Variants in RARB observed in about 807,000 individuals in gnomAD.
RARB encodes retinoic acid receptor beta, also known as HBV-activated protein.
A neutral mutation model predicts 51.9 loss-of-function variants in RARB; 17 were observed. The observed-to-expected ratio is 0.33, with a 90% CI of 0.22 to 0.49. RARB has a LOEUF of 0.49. Among genes scored for constraint, RARB ranks in the 20% least tolerant of loss-of-function variants. RARB has a pLI of 0.99. For missense variants in RARB, 369 were observed against 550.8 expected, an observed-to-expected ratio of 0.67 and a Z score of 3.30; for synonymous variants, 215 against 195.4, an observed-to-expected ratio of 1.10 and a Z score of -0.84.
At chr3:25,008,280 T>C (rs192528163) in intron 2 of RARB, among the ~76,000 whole-genome samples, 2 of 152,136 alleles carry the variant, frequency 1.3e-5, no homozygotes, top group Non-Finnish European at 2.9e-5. Context: ...TAATTTTTTA[T>C]CTTGAGAGTA....
rs1698259754 is a variant in RARB, at chr3:25,048,430, T to C, written c.-379-11695T>C. ...CACACAACTTTCCTATATGAATACATGTTAATAAATGCAAAATGTTGTCCT... is the reference window on the plus strand; with the variant it reads ...CACACAACTTTCCTATATGAATACACGTTAATAAATGCAAAATGTTGTCCT... On this transcript the variant is annotated intron_variant, in intron 2 of 11. Transcript: ENST00000383772. Among the ~76,000 whole-genome samples, 4 of 152,326 alleles carry C rather than the reference T, an allele frequency of 2.6e-5. No homozygotes were observed. In the South Asian group the frequency reaches 6.2e-4, roughly 24 times the overall value.
chr3:25,189,553 C>T (rs989760341), intron 5 of RARB, among the ~76,000 whole-genome samples: 2 of 152,086 alleles, frequency 1.3e-5, no homozygotes, highest in South Asian at 2.1e-4. Flanking sequence ...GGAAGATGTA[C>T]AGCAGCATGT....
chr3:24,892,589 T>C (rs1025366913), intron 2 of RARB, among the ~76,000 whole-genome samples: 3 of 152,210 alleles, frequency 2.0e-5, no homozygotes, highest in African/African-American at 4.8e-5. Context: ...CCAAAACATA[T>C]TCATTTCTTT....
At position 25,285,307 on chromosome 3, in the gene RARB, C is replaced by G. The variant is rs564979489; in HGVS notation, c.178+110732C>G. Among the ~76,000 whole-genome samples the G allele has an allele frequency of 4.3e-4, 66 of 152,166 alleles. 1 individual carries two copies. In the South Asian group the frequency reaches 0.014, roughly 31 times the overall value. On this transcript the variant is annotated intron_variant, in intron 5 of 11. Transcript: ENST00000383772. ...AGTGAATTGGAAAAGGAAAGGCTTT[C>G]CAGTCAAAAGTAGTGTATTCAAAGG...
At chr3:25,208,927 A>T (rs1701627983) in intron 5 of RARB, among the ~76,000 whole-genome samples, 1 of 152,182 alleles carries the variant, frequency 6.6e-6, no homozygotes, top group African/African-American at 2.4e-5. Context: ...TTTACTTAAT[A>T]AAGTGCTCCA....
intron 5 of RARB, among the ~76,000 whole-genome samples, chr3:25,411,929 G>T (rs1024289798): frequency 6.6e-6 from 1 of 152,196 alleles, no homozygotes; most frequent in Admixed American, 6.5e-5. Flanking sequence ...GGACTGCAAG[G>T]CTAGGTAGGA....
chr3:25,569,462 C>G (rs1390510350), intron 3 of RARB, among the ~76,000 whole-genome samples: 1 of 152,188 alleles, frequency 6.6e-6, no homozygotes. Flanking sequence ...GAGATCCAGT[C>G]CACAGAAAAA....
intron 5 of RARB, among the ~76,000 whole-genome samples, chr3:25,250,357 G>A (rs1702681856): frequency 6.6e-6 from 1 of 152,178 alleles, no homozygotes; most frequent in Admixed American, 6.5e-5. Flanking sequence ...TAATTCCCAG[G>A]ACCCCAGATG....
chr3:24,976,598 T>C (rs1454308002), intron 2 of RARB, among the ~76,000 whole-genome samples: 2 of 152,188 alleles, frequency 1.3e-5, no homozygotes, highest in African/African-American at 2.4e-5. Flanking sequence ...ATATCCTTTG[T>C]CCACTTTTTG....
rs142951904 is a variant in RARB at position 25,156,852 on chromosome 3, G to T, written c.-279-17267G>T. On this transcript the variant is annotated intron_variant, in intron 4 of 11. Transcript: ENST00000383772. The stretch of plus-strand genomic sequence containing the variant: ...GCTAAAAGAGGTGCTGTCTCTAGCA[G>T]ATTGCTCCAGTGACACAATAGTTAG... Among the ~76,000 whole-genome samples the T allele has an allele frequency of 4.6e-5, 7 of 152,362 alleles. 1 individual carries two copies. The highest frequency in any genetic ancestry group is 3.9e-4 in the Admixed American group (6 of 15,298).
At chr3:25,158,994 C>G (rs1308046080) in intron 4 of RARB, among the ~76,000 whole-genome samples, 1 of 151,914 alleles carries the variant, frequency 6.6e-6, no homozygotes, top group Non-Finnish European at 1.5e-5. Flanking sequence ...CAGGCCAGAG[C>G]TCGGTCTTAT....
At chr3:25,481,423 T>A (rs1835901) in intron 2 of RARB, among the ~76,000 whole-genome samples, 78,362 of 152,056 alleles carry the variant, frequency 0.52, 21,364 homozygotes, top group South Asian at 0.65. Context: ...CATTTAAAAA[T>A]TTTTGAAAAA....
rs56255512 is a variant in RARB, at chr3:25,569,981, G to GACAC, written c.609+100_609+103dup. The GACAC allele has an allele frequency of 6.0e-3, 6,428 of 1,068,396 alleles. 10 individuals are homozygous for GACAC. Among genetic ancestry groups the GACAC allele is most frequent in the Non-Finnish European group, 7.1e-3 (5,400 of 765,188 alleles). 66.2% of individuals were successfully genotyped at this position (1,068,396 alleles called of 1,614,324 possible). ...GAAACCTTGTACGTGCATGTGTGCA[G>GACAC]ACACACACACACACACACACACACA... On this transcript the variant is annotated intron_variant, in intron 4 of 7. Transcript: ENST00000330688.
intron 1 of RARB, among the ~76,000 whole-genome samples, chr3:24,858,262 G>A (rs1002291178): frequency 2.4e-4 from 37 of 151,956 alleles, no homozygotes; most frequent in African/African-American, 8.9e-4. Flanking sequence ...TCACAGGCCT[G>A]AATTATAGCA....
intron 5 of RARB, among the ~76,000 whole-genome samples, chr3:25,333,499 T>G (rs1704967151): frequency 6.6e-6 from 1 of 152,064 alleles, no homozygotes; most frequent in South Asian, 2.1e-4. Context: ...ACTGGATCCC[T>G]TCCTTACACC....
rs139304258 is a variant in RARB, at chr3:25,522,162, A to G, written c.448+20839A>G. Among the ~76,000 whole-genome samples the G allele has an allele frequency of 2.0e-3, 308 of 152,092 alleles. 4 individuals are homozygous for G. Among genetic ancestry groups the G allele is most frequent in the Admixed American group, 0.018 (282 of 15,272 alleles). ...ACTTCAAGCAGAAGTGGTGGAGAAAAAGACCGGTATTTGTGATATGGAAGA... is the reference window on the plus strand; with the variant it reads ...ACTTCAAGCAGAAGTGGTGGAGAAAGAGACCGGTATTTGTGATATGGAAGA... On this transcript the variant is annotated intron_variant, in intron 3 of 7. Coordinates refer to ENST00000330688, the MANE Select transcript of RARB (RefSeq NM_000965.5).
chr3:25,165,797 T>G (rs1244847533), intron 4 of RARB, among the ~76,000 whole-genome samples: 1 of 152,200 alleles, frequency 6.6e-6, no homozygotes, highest in Non-Finnish European at 1.5e-5. Flanking sequence ...TAAAAACCCC[T>G]ATTTACATTA....
chr3:25,494,654 A>G (rs1474968841), intron 2 of RARB, among the ~76,000 whole-genome samples: 1 of 152,210 alleles, frequency 6.6e-6, no homozygotes, highest in Non-Finnish European at 1.5e-5. Context: ...GTATGCTCCA[A>G]GAAAGCTTAC....
intron 2 of RARB, among the ~76,000 whole-genome samples, chr3:24,875,946 C>T (rs1021440439): frequency 2.0e-5 from 3 of 152,038 alleles, no homozygotes; most frequent in African/African-American, 7.2e-5. Context: ...GTAATAGTTG[C>T]TTCTTCAGTT....
Sources: gnomAD v4.1 joint callset for allele counts (sites outside exome capture counted in the v4.1 genomes callset) on GRCh38, gnomAD v4.1.1 for gene constraint, MANE v1.5 for transcripts, NCBI Gene and HGNC (gene_info 2026-07-23, HGNC 2026-07-21) for gene names.